The following KLHL3 variants were observed in gnomAD, a reference collection of about 807,000 sequenced individuals.
KLHL3 encodes kelch like family member 3.
KLHL3 carries 19 observed loss-of-function variants against 70.5 expected under a neutral mutation model. That is an observed-to-expected ratio of 0.27 (90% CI 0.19 to 0.40). KLHL3 has a LOEUF of 0.40. Among genes scored for constraint, KLHL3 ranks in the 10% least tolerant of loss-of-function variants. The pLI, the probability that KLHL3 is intolerant of heterozygous loss-of-function variation, is 1.00. For missense variants in KLHL3, 512 were observed against 771.1 expected (o/e 0.66, Z 3.98); for synonymous variants, 258 against 290.3 (o/e 0.89, Z 1.13).
intron 7 of KLHL3, among the ~76,000 whole-genome samples, chr5:137,659,638 G>T (rs534016653): frequency 3.3e-5 from 5 of 152,164 alleles, no homozygotes; most frequent in Non-Finnish European, 5.9e-5. Flanking sequence ...AGAAATGCAT[G>T]AGCAGCTATT....
chr5:137,668,931 C>T (rs1580746909), intron 6 of KLHL3, among the ~76,000 whole-genome samples: 1 of 149,918 alleles, frequency 6.7e-6, no homozygotes, highest in Admixed American at 6.6e-5. Context: ...ACTGGCTGAG[C>T]GATGTCCTGG....
At chr5:137,634,299 C>T (rs1750714867) in intron 11 of KLHL3, 134 bp from the exon 12 acceptor site, 1 of 898,764 alleles carries the variant, frequency 1.1e-6, no homozygotes. Context: ...CAGGGGACCA[C>T]CAACTTACTC....
chr5:137,647,302 C>T (rs1359601160), intron 8 of KLHL3, among the ~76,000 whole-genome samples: 1 of 152,124 alleles, frequency 6.6e-6, no homozygotes, highest in Non-Finnish European at 1.5e-5. Context: ...GCATGTTGGT[C>T]CCTCCTCACC....
Position 137,639,132 on chromosome 5 carries a change from C to T in KLHL3, c.1040G>A (p.Gly347Asp), listed in dbSNP as rs1324200860. 1.2e-6 allele frequency: 2 copies of T among 1,613,832 alleles called. No homozygotes were observed. The highest frequency in any genetic ancestry group is 4.5e-5 in the East Asian group (2 of 44,868). Residue 347 changes from glycine to aspartate, a missense_variant, in exon 10 of 15, where the codon GGC becomes GAC. Coordinates refer to ENST00000309755, the MANE Select transcript of KLHL3 (RefSeq NM_017415.3). This position sits in a 1 kb window ranked among gnomAD's most constrained non-coding sequence, Gnocchi z 5.0. ...AAACCCTCCCACGGCATACACGTGG[C>T]CAGCCATGAACACCACACCTGAGGC... ...RCRAGVVFMA[G>D]HVYAVGGFNG...
At chr5:137,671,977 G>C (rs982149128) in intron 6 of KLHL3, 1 of 152,156 alleles carries the variant, frequency 6.6e-6, no homozygotes, top group East Asian at 1.9e-4. Context: ...AATGATGAGT[G>C]AAACATACCT....
intron 8 of KLHL3, among the ~76,000 whole-genome samples, chr5:137,652,618 C>T (rs1395204177): frequency 6.6e-6 from 1 of 152,098 alleles, no homozygotes; most frequent in Non-Finnish European, 1.5e-5. Flanking sequence ...AAAAGTTAAA[C>T]TCATAGAAGT....
intron 3 of KLHL3, among the ~76,000 whole-genome samples, chr5:137,708,004 C>T (rs1015539541): frequency 1.3e-5 from 2 of 151,888 alleles, no homozygotes. Flanking sequence ...ACAAGATGAA[C>T]TATTTTAAAA....
intron 2 of KLHL3, among the ~76,000 whole-genome samples, chr5:137,711,768 G>A (rs1248097884): frequency 6.6e-6 from 1 of 152,120 alleles, no homozygotes; most frequent in African/African-American, 2.4e-5. Context: ...GGGATTACAG[G>A]TGCCATCTGA....
intron 7 of KLHL3, chr5:137,661,663 G>A: frequency 2.7e-6 from 1 of 370,326 alleles, no homozygotes; most frequent in Non-Finnish European, 4.8e-6. Context: ...GAAAAACTGA[G>A]GCTTGAAGAG....
intron 6 of KLHL3, among the ~76,000 whole-genome samples, chr5:137,663,512 ATATT>A (rs771077888): frequency 2.0e-5 from 3 of 151,144 alleles, no homozygotes; most frequent in Non-Finnish European, 2.9e-5. Context: ...TTAAATATAT[ATATT>A]TAAAGTATGT....
intron 2 of KLHL3, among the ~76,000 whole-genome samples, chr5:137,712,615 C>T (rs1395279910): frequency 6.6e-6 from 1 of 152,206 alleles, no homozygotes; most frequent in Non-Finnish European, 1.5e-5. Flanking sequence ...CACTCCTATT[C>T]AATTTACCTG....
At chr5:137,626,033 C>G in intron 13 of KLHL3, 137 bp from the exon 14 acceptor site, 1 of 1,060,500 alleles carries the variant, frequency 9.4e-7, no homozygotes, top group East Asian at 2.6e-5. Flanking sequence ...TTTGGCTCCA[C>G]AGGTTTGAGT....
chr5:137,719,339 T>G (rs1752954112), intron 2 of KLHL3, among the ~76,000 whole-genome samples: 2 of 152,248 alleles, frequency 1.3e-5, no homozygotes, highest in Non-Finnish European at 2.9e-5. Context: ...CAATAGAAGC[T>G]CCTATGAAGT....
In KLHL3 at chr5:137,680,120, A is replaced by G. The variant is rs186335648; in HGVS notation, c.527-2466T>C. On this transcript the variant is annotated intron_variant, in intron 5 of 14. Transcript: ENST00000309755. ...ATAGGATTTCCCCAGAAGACTTTGTATTCCAGTCAGCCCTCTCCACAGCTG... is the reference window on the plus strand; with the variant it reads ...ATAGGATTTCCCCAGAAGACTTTGTGTTCCAGTCAGCCCTCTCCACAGCTG... Among the ~76,000 whole-genome samples, 74 of 152,330 alleles carry G rather than the reference A, an allele frequency of 4.9e-4. 2 individuals are homozygous for G. The highest frequency in any genetic ancestry group is 3.4e-3 in the Middle Eastern group (1 of 294).
intron 12 of KLHL3, chr5:137,628,890 C>T (rs902930358): frequency 1.1e-4 from 17 of 151,826 alleles, no homozygotes; most frequent in African/African-American, 4.1e-4. Flanking sequence ...CCTTTTTTGC[C>T]TATCTATATT....
At chr5:137,696,935 G>C (rs1384784189) in intron 4 of KLHL3, among the ~76,000 whole-genome samples, 1 of 152,114 alleles carries the variant, frequency 6.6e-6, no homozygotes, top group African/African-American at 2.4e-5. Context: ...TGCCTGGGAA[G>C]GGACTCCAGG....
At chr5:137,666,330 A>T (rs989180381) in intron 6 of KLHL3, among the ~76,000 whole-genome samples, 1 of 152,092 alleles carries the variant, frequency 6.6e-6, no homozygotes, top group African/African-American at 2.4e-5. Flanking sequence ...CCACAACCCC[A>T]TTCTGCCTTG....
chr5:137,687,244 G>GGC (rs1242236563), intron 5 of KLHL3, among the ~76,000 whole-genome samples: 1 of 39,692 alleles, frequency 2.5e-5, no homozygotes. Flanking sequence ...CCGGGAGGGA[G>GGC]GCGCGGGGGG....
chr5:137,657,952 C>T (rs1225655035), intron 8 of KLHL3, among the ~76,000 whole-genome samples, 179 bp downstream of exon 8: 2 of 152,176 alleles, frequency 1.3e-5, no homozygotes, highest in African/African-American at 4.8e-5. Flanking sequence ...GAAAGGAAGA[C>T]CCCAGAAGAG....
Sources: gnomAD v4.1 joint callset for allele counts (sites outside exome capture counted in the v4.1 genomes callset) on GRCh38, gnomAD v4.1.1 for gene constraint, Gnocchi (gnomAD v3.1) non-coding constraint, MANE v1.5 for transcripts, NCBI Gene and HGNC (gene_info 2026-07-23, HGNC 2026-07-21) for gene names.